ROBO2: variants seen among roughly 807,000 people sequenced by gnomAD.
The protein encoded by ROBO2 is roundabout homolog 2.
A neutral mutation model predicts 160.8 loss-of-function variants in ROBO2; 53 were observed. The observed-to-expected ratio is 0.33, with a 90% CI of 0.26 to 0.41. The LOEUF (loss-of-function observed/expected upper bound fraction) is 0.41, where lower values mean the gene tolerates loss of function less well. Ranked by LOEUF, ROBO2 falls within the 10% of genes least tolerant of loss-of-function variation. The probability of loss-of-function intolerance (pLI) is 1.00; values close to 1 mark genes in which losing one functional copy is unlikely to be tolerated. For synonymous variants in ROBO2, 664 were observed against 611.7 expected, an observed-to-expected ratio of 1.09 and a Z score of -1.26; for missense variants, 1,577 against 1,722.4, an observed-to-expected ratio of 0.92 and a Z score of 1.49.
intron 2 of ROBO2, among the ~76,000 whole-genome samples, chr3:76,560,694 T>G (rs575664149): frequency 6.6e-6 from 1 of 150,548 alleles, no homozygotes; most frequent in Non-Finnish European, 1.5e-5. Flanking sequence ...GAACCCTTTT[T>G]CCCCCACATA....
At chr3:76,613,874 C>T (rs12636807) in intron 2 of ROBO2, among the ~76,000 whole-genome samples, 132,714 of 152,052 alleles carry the variant, frequency 0.87, 59,247 homozygotes, top group East Asian at 0.98. Flanking sequence ...TAAAAATATA[C>T]CTAATCAATT....
chr3:76,667,364 A>G (rs1372789767), intron 2 of ROBO2, among the ~76,000 whole-genome samples: 1 of 152,170 alleles, frequency 6.6e-6, no homozygotes, highest in Non-Finnish European at 1.5e-5. Context: ...TTTTCCTGTT[A>G]TTGTAAAAGC....
chr3:76,032,202 A>C (rs1486629294), intron 2 of ROBO2, among the ~76,000 whole-genome samples: 1 of 151,874 alleles, frequency 6.6e-6, no homozygotes, highest in Non-Finnish European at 1.5e-5. Flanking sequence ...CGGTGGTGAT[A>C]TCCCCTTTAT....
At chr3:76,620,256 C>T (rs1253189680) in intron 2 of ROBO2, among the ~76,000 whole-genome samples, 3 of 152,068 alleles carry the variant, frequency 2.0e-5, no homozygotes, top group African/African-American at 7.2e-5. Context: ...TGTTTATTCT[C>T]ATGAAACATT....
chr3:76,569,904 T>G (rs114397754), intron 2 of ROBO2, among the ~76,000 whole-genome samples: 1 of 152,130 alleles, frequency 6.6e-6, no homozygotes, highest in African/African-American at 2.4e-5. Flanking sequence ...GCCGGAAGAT[T>G]GCTTGAACTC....
intron 2 of ROBO2, among the ~76,000 whole-genome samples, chr3:76,471,514 C>T (rs1228392279): frequency 6.6e-6 from 1 of 152,114 alleles, no homozygotes; most frequent in Non-Finnish European, 1.5e-5. Context: ...ATATTTAAAA[C>T]TGAAGACTGT....
chr3:76,658,599 T>C (rs1389078504), intron 2 of ROBO2, among the ~76,000 whole-genome samples: 10 of 152,138 alleles, frequency 6.6e-5, no homozygotes, highest in African/African-American at 1.4e-4. Context: ...TGGTTTTCTG[T>C]CTCTGTCTTA....
At chr3:77,089,473 G>A (rs115370451) in intron 1 of ROBO2, among the ~76,000 whole-genome samples, 1,658 of 152,244 alleles carry the variant, frequency 0.011, 25 homozygotes, top group African/African-American at 0.039. Context: ...ATCCTTATCA[G>A]TTCCCTTTCA....
At chr3:76,533,659 T>C (rs558767207) in intron 2 of ROBO2, among the ~76,000 whole-genome samples, 20 of 152,242 alleles carry the variant, frequency 1.3e-4, no homozygotes, top group African/African-American at 4.8e-4. Context: ...GCAAGTGGGC[T>C]GAGTCCGAAA....
intron 2 of ROBO2, among the ~76,000 whole-genome samples, chr3:76,467,721 GAACAAC>G (rs200234980): frequency 0.084 from 12,785 of 152,072 alleles, 683 homozygotes; most frequent in Non-Finnish European, 0.12. Flanking sequence ...AAGAAAAGCA[GAACAAC>G]CTTTTTAGGT....
chr3:76,565,188 C>A (rs549809533), intron 2 of ROBO2, among the ~76,000 whole-genome samples: 2 of 152,106 alleles, frequency 1.3e-5, no homozygotes, highest in African/African-American at 4.8e-5. Context: ...GATTTCAATG[C>A]CTTAAGCTGT....
intron 2 of ROBO2, among the ~76,000 whole-genome samples, chr3:76,220,292 C>T (rs1472967572): frequency 2.6e-5 from 4 of 151,142 alleles, no homozygotes; most frequent in Non-Finnish European, 5.9e-5. Context: ...CAAGCCTGCA[C>T]ATTGTGCATA....
intron 2 of ROBO2, among the ~76,000 whole-genome samples, chr3:75,974,272 CA>C (rs1356631460): frequency 4.0e-5 from 6 of 151,314 alleles, no homozygotes; most frequent in Non-Finnish European, 5.9e-5. Context: ...ATATAGTAGG[CA>C]AAAAATGTAT....
At chr3:77,485,230 T>C (rs1374896) in intron 4 of ROBO2, among the ~76,000 whole-genome samples, 101,763 of 151,816 alleles carry the variant, frequency 0.67, 34,238 homozygotes, top group East Asian at 0.79. Flanking sequence ...GAGCACATTC[T>C]CAACCAAAAT....
chr3:77,507,530 T>A (rs2088736179), intron 5 of ROBO2, among the ~76,000 whole-genome samples: 1 of 152,190 alleles, frequency 6.6e-6, no homozygotes, highest in African/African-American at 2.4e-5. Flanking sequence ...GTCTGAGCTG[T>A]GAGCTCTGTG....
intron 2 of ROBO2, among the ~76,000 whole-genome samples, chr3:76,354,506 A>G (rs2075047018): frequency 6.6e-6 from 1 of 151,860 alleles, no homozygotes; most frequent in Admixed American, 6.6e-5. Context: ...ACTATTTATG[A>G]TTACTTAGAG....
intron 2 of ROBO2, among the ~76,000 whole-genome samples, chr3:77,235,434 G>T (rs1425148914): frequency 6.6e-6 from 1 of 151,528 alleles, no homozygotes; most frequent in Non-Finnish European, 1.5e-5. Flanking sequence ...CTCACTGCAA[G>T]CTCTGCCTCC....
In ROBO2 at chr3:76,435,431, A is replaced by C. The variant is rs73840991; in HGVS notation, c.109+497829A>C. 14 of 775,200 alleles carry C rather than the reference A, an allele frequency of 1.8e-5. No homozygotes were observed. The East Asian group carries it at 3.4e-4, about 19-fold the overall frequency. The allele number at this position is 775,200 out of a possible 1,614,324, so 48.0% of individuals were successfully genotyped here. A position where few individuals can be genotyped will look rare whatever the true frequency, so the allele number is the denominator to read the frequency against. ...CAGTGACAGAAATTGCTGGATAGGC[A>C]AAGTGTCTCTGGGTTCTTTGCCCTC... On this transcript the variant is annotated intron_variant, in intron 2 of 26. Transcript: ENST00000487694.
At chr3:75,963,309 C>T (rs528902695) in intron 2 of ROBO2, among the ~76,000 whole-genome samples, 5 of 151,590 alleles carry the variant, frequency 3.3e-5, no homozygotes, top group Non-Finnish European at 5.9e-5. Flanking sequence ...CAACTCAGCT[C>T]CCAAGTAGCT....
Sources: gnomAD v4.1 joint callset for allele counts (sites outside exome capture counted in the v4.1 genomes callset) on GRCh38, gnomAD v4.1.1 for gene constraint, MANE v1.5 for transcripts, NCBI Gene and HGNC (gene_info 2026-07-23, HGNC 2026-07-21) for gene names.